The following SRPX variants were observed in gnomAD, a reference collection of about 807,000 sequenced individuals.
SRPX encodes sushi repeat containing protein X-linked.
In SRPX, 24 loss-of-function variants were observed where a neutral mutation model predicts 38.1. The observed-to-expected ratio is 0.63, with a 90% CI of 0.46 to 0.89. SRPX has a LOEUF of 0.89. Among genes scored for constraint, SRPX ranks in the 40% least tolerant of loss-of-function variants. SRPX has a pLI of 0.00. For missense variants in SRPX, 416 were observed against 377.8 expected (o/e 1.10, Z -0.84); for synonymous variants, 184 against 153.8 (o/e 1.20, Z -1.45).
rs1938332104 is a variant in SRPX at position 38,164,789 on chromosome X, T to C, written c.633A>G (p.Thr211=). Residue 211 remains threonine (T), a synonymous_variant, in exon 5 of 10, where the codon ACA becomes ACG. Transcript: ENST00000378533. The stretch of plus-strand genomic sequence containing the variant: ...CTTACTCAGTAAGAATTCCATCTGC[T>C]GTGTCTCTTCCTTCGGGTGTCTCCC... ...VSWETPEGRD[T]ADGILTDVIL... 2.5e-6 allele frequency: 3 copies of C among 1,211,077 alleles called. No homozygotes were observed. Among genetic ancestry groups the C allele is most frequent in the Non-Finnish European group, 3.4e-6 (3 of 895,126 alleles).
rs775893838 is a variant in SRPX, at chrX:38,149,766, A to G, written c.1340T>C (p.Leu447Ser). ...ALFNLIDTFP[L>S]RKEEMVLQAE... The stretch of plus-strand genomic sequence containing the variant: ...TTGTAGGACCATCTCTTCTTTTCTC[A>G]AGGGAAAAGTGTCAATCAGGTTGAA... The change falls in exon 10 of 10, where the codon TTG becomes TCG. Residue 447 changes from leucine to serine, a missense_variant. Physicochemically the swap from Leu to Ser is moderately radical, Grantham distance 145. Transcript: ENST00000378533. 7 of 1,210,973 alleles carry G rather than the reference A, an allele frequency of 5.8e-6. No individual in the cohort carries two copies. The South Asian group carries it at 1.2e-4, about 21-fold the overall frequency.
chrX:38,220,332 T>A (rs1216275363), intron 1 of SRPX, among the ~76,000 whole-genome samples: 1 of 113,445 alleles, frequency 8.8e-6, no homozygotes, highest in Non-Finnish European at 1.9e-5. Context: ...GGCAACCATG[T>A]GAGAGGCAAA....
intron 9 of SRPX, chrX:38,153,894 G>A (rs1352890325): frequency 8.9e-6 from 1 of 111,963 alleles, no homozygotes; most frequent in Non-Finnish European, 1.9e-5. Flanking sequence ...CCTAATTATC[G>A]ATTTCACAGT....
At chrX:38,201,232 C>T (rs1303058083) in intron 1 of SRPX, among the ~76,000 whole-genome samples, 1 of 111,024 alleles carries the variant, frequency 9.0e-6, no homozygotes, top group Non-Finnish European at 1.9e-5. Context: ...CCATCTGCAA[C>T]AGTCAAAAGT....
At chrX:38,151,373 C>T (rs1167711313) in intron 9 of SRPX, among the ~76,000 whole-genome samples, 1 of 111,656 alleles carries the variant, frequency 9.0e-6, no homozygotes, top group African/African-American at 3.3e-5. Context: ...CTTTTGGGAG[C>T]GTGGAGGAGT....
chrX:38,156,601 G>A (rs931051673), intron 8 of SRPX, among the ~76,000 whole-genome samples: 1 of 112,557 alleles, frequency 8.9e-6, no homozygotes, highest in Non-Finnish European at 1.9e-5. Context: ...TCCTGGACAG[G>A]TTTGGCAAAG....
intron 7 of SRPX, 50 bp from the exon 8 acceptor site, chrX:38,157,079 C>A: frequency 8.5e-7 from 1 of 1,182,041 alleles, no homozygotes; most frequent in Non-Finnish European, 1.1e-6. Context: ...CTTGTTCTGG[C>A]TCAACAGAGC....
chrX:38,182,510 T>C (rs757383647), intron 1 of SRPX, among the ~76,000 whole-genome samples: 2 of 111,660 alleles, frequency 1.8e-5, no homozygotes, highest in Non-Finnish European at 3.8e-5. Context: ...TCAGCAGCAA[T>C]GTGTCCCTCC....
In SRPX at chrX:38,160,138, G is replaced by A. The variant is rs1190585618; in HGVS notation, c.834C>T (p.Asp278=). 3.3e-6 allele frequency: 4 copies of A among 1,210,350 alleles called. No homozygotes were observed. Among genetic ancestry groups the A allele is most frequent in the African/African-American group, 1.7e-5 (1 of 57,310 alleles). ...CACAGGTGGCTCCATAATTATCACC[G>A]TCGCTGGAGCACTTCATGTAACCAT... The part of the protein sequence containing the change: ...PENGYMKCSS[D]GDNYGATCEF... Residue 278 remains aspartate (D), a synonymous_variant, in exon 7 of 10, where the codon GAC becomes GAT. Coordinates refer to ENST00000378533, the MANE Select transcript of SRPX (RefSeq NM_006307.5).
At chrX:38,164,386 G>T (rs751187560) in intron 5 of SRPX, among the ~76,000 whole-genome samples, 2 of 111,735 alleles carry the variant, frequency 1.8e-5, no homozygotes, top group East Asian at 2.8e-4. Flanking sequence ...CAAGTGATCC[G>T]CCTGCCTCGT....
intron 5 of SRPX, among the ~76,000 whole-genome samples, 185 bp downstream of exon 5, chrX:38,164,584 A>G (rs1407685806): frequency 2.7e-5 from 3 of 112,610 alleles, no homozygotes; most frequent in South Asian, 3.7e-4. Flanking sequence ...ATAGCAGTGA[A>G]CATATTATAA....
chrX:38,173,798 C>G (rs1289743854), intron 3 of SRPX, among the ~76,000 whole-genome samples: 1 of 111,872 alleles, frequency 8.9e-6, no homozygotes, highest in Admixed American at 9.5e-5. Flanking sequence ...ACTTTGTACC[C>G]TTCTTGTACT....
intron 8 of SRPX, among the ~76,000 whole-genome samples, chrX:38,155,287 A>G (rs752974455): frequency 1.7e-4 from 19 of 112,756 alleles, no homozygotes; most frequent in African/African-American, 5.5e-4. Flanking sequence ...TTAAAAAGTT[A>G]GAAATAGACT....
chrX:38,190,313 A>G (rs1938876304), intron 1 of SRPX, among the ~76,000 whole-genome samples: 1 of 111,986 alleles, frequency 8.9e-6, no homozygotes, highest in Non-Finnish European at 1.9e-5. Context: ...AAACACTGAA[A>G]TGAACATCAT....
intron 4 of SRPX, among the ~76,000 whole-genome samples, chrX:38,171,035 A>T (rs1027547550): frequency 5.4e-5 from 6 of 110,248 alleles, no homozygotes; most frequent in African/African-American, 2.0e-4. Context: ...CAAACAAAAA[A>T]AACAGGGCTC....
chrX:38,200,198 A>T (rs1195216074), intron 1 of SRPX, among the ~76,000 whole-genome samples: 1 of 112,134 alleles, frequency 8.9e-6, no homozygotes, highest in Non-Finnish European at 1.9e-5. Flanking sequence ...ACTGGGAAAT[A>T]AGCCATATAA....
At chrX:38,162,547 C>T (rs190165294) in intron 5 of SRPX, among the ~76,000 whole-genome samples, 6 of 112,753 alleles carry the variant, frequency 5.3e-5, no homozygotes, top group Non-Finnish European at 1.1e-4. Flanking sequence ...GGTGCAGTGG[C>T]TCATGAATGT....
intron 7 of SRPX, among the ~76,000 whole-genome samples, chrX:38,158,257 G>C (rs749176181): frequency 8.9e-6 from 1 of 111,902 alleles, no homozygotes; most frequent in Admixed American, 9.5e-5. Context: ...ATGGGACAAG[G>C]CGGTTTTATA....
rs779812732 is a variant in SRPX at position 38,195,756 on chromosome X, G to A, written c.98-17412C>T. On this transcript the variant is annotated intron_variant, in intron 1 of 9. Coordinates refer to ENST00000378533, the MANE Select transcript of SRPX (RefSeq NM_006307.5). ...CCAAGCTGTTCTCAACATTTTACTTGTAGGAAAGTTGAAATTTCTTCCTTA... is the reference window on the plus strand; with the variant it reads ...CCAAGCTGTTCTCAACATTTTACTTATAGGAAAGTTGAAATTTCTTCCTTA... Among the ~76,000 whole-genome samples the A allele has an allele frequency of 3.6e-5, 4 of 111,782 alleles. No individual in the cohort carries two copies. In the South Asian group the frequency reaches 1.5e-3, roughly 42 times the overall value.
Sources: allele counts gnomAD v4.1 joint callset (sites outside exome capture counted in the v4.1 genomes callset), GRCh38; gene constraint gnomAD v4.1.1; transcripts MANE v1.5; gene names NCBI Gene and HGNC (gene_info 2026-07-23, HGNC 2026-07-21).